AUTS2: variants seen among roughly 807,000 people sequenced by gnomAD.
The protein encoded by AUTS2 is activator of transcription and developmental regulator AUTS2, also known as autism susceptibility gene 2 protein.
A neutral mutation model predicts 112.4 loss-of-function variants in AUTS2; 17 were observed. That is an observed-to-expected ratio of 0.15 (90% confidence interval 0.10 to 0.23). The LOEUF is 0.23. AUTS2 is among the 10% of genes least tolerant of loss of function. The pLI is 1.00. For missense variants in AUTS2, 1,510 were observed against 1,701.6 expected (o/e 0.89, Z 1.98); for synonymous variants, 751 against 702.7 (o/e 1.07, Z -1.09).
At chr7:70,433,537 T>C (rs1309629547) in intron 4 of AUTS2, among the ~76,000 whole-genome samples, 1 of 152,200 alleles carries the variant, frequency 6.6e-6, no homozygotes, top group Non-Finnish European at 1.5e-5. Context: ...GTTCTAGGCC[T>C]TCAAAGTCTT....
chr7:70,480,841 CA>C (rs1303671029), intron 5 of AUTS2, among the ~76,000 whole-genome samples: 9 of 152,098 alleles, frequency 5.9e-5, no homozygotes, highest in African/African-American at 2.2e-4. Context: ...GAGAAGGCTT[CA>C]AGGAAGAAGA....
intron 4 of AUTS2, among the ~76,000 whole-genome samples, chr7:70,147,045 G>A (rs1179693277): frequency 2.6e-5 from 4 of 152,016 alleles, no homozygotes; most frequent in Non-Finnish European, 4.4e-5. Context: ...TTACCAAGTT[G>A]TTACAATGTG....
At chr7:70,628,577 C>G (rs962647908) in intron 5 of AUTS2, among the ~76,000 whole-genome samples, 1 of 151,776 alleles carries the variant, frequency 6.6e-6, no homozygotes, top group Non-Finnish European at 1.5e-5. Context: ...TACATCCCTC[C>G]CCCTCCCCCC....
At chr7:70,592,473 C>CT (rs1170686522) in intron 5 of AUTS2, among the ~76,000 whole-genome samples, 1 of 152,180 alleles carries the variant, frequency 6.6e-6, no homozygotes, top group Non-Finnish European at 1.5e-5. Context: ...AACAGCTCTC[C>CT]TGCCTCAGCC....
chr7:70,616,523 G>A (rs1398410169), intron 5 of AUTS2, among the ~76,000 whole-genome samples: 1 of 152,184 alleles, frequency 6.6e-6, no homozygotes, highest in Non-Finnish European at 1.5e-5. Context: ...CATTTATAGT[G>A]GGATTATCTG....
intron 5 of AUTS2, among the ~76,000 whole-genome samples, chr7:70,655,690 G>A (rs1008091447): frequency 3.3e-5 from 5 of 152,124 alleles, no homozygotes; most frequent in Admixed American, 1.3e-4. Context: ...AGAGATTGCC[G>A]TTATTGGCTT....
At chr7:70,590,122 T>TTGTG (rs55775984) in intron 5 of AUTS2, among the ~76,000 whole-genome samples, 1,908 of 143,532 alleles carry the variant, frequency 0.013, 15 homozygotes, top group Middle Eastern at 0.018. Flanking sequence ...GTTTTTGCAT[T>TTGTG]TGTGTGTGTG....
intron 4 of AUTS2, among the ~76,000 whole-genome samples, chr7:70,426,620 G>A (rs555200904): frequency 6.6e-6 from 1 of 152,014 alleles, no homozygotes; most frequent in Non-Finnish European, 1.5e-5. Flanking sequence ...TCATCAAGTC[G>A]GGCCTCAGAA....
chr7:69,861,892 G>A (rs1226138522), intron 1 of AUTS2, among the ~76,000 whole-genome samples: 1 of 152,170 alleles, frequency 6.6e-6, no homozygotes, highest in Non-Finnish European at 1.5e-5. Flanking sequence ...GACTTTTGGT[G>A]ATGGAGTTGG....
intron 5 of AUTS2, among the ~76,000 whole-genome samples, chr7:70,534,786 A>T (rs1337436730): frequency 6.6e-6 from 1 of 152,100 alleles, no homozygotes; most frequent in Non-Finnish European, 1.5e-5. Flanking sequence ...TTACCTGTGA[A>T]CACTCAGCAC....
chr7:69,600,539 T>A (rs1792333783), intron 1 of AUTS2, among the ~76,000 whole-genome samples: 1 of 10,054 alleles, frequency 9.9e-5, no homozygotes, highest in Admixed American at 6.7e-4. Context: ...CCCCATATTC[T>A]TTTTTTTTTT....
intron 5 of AUTS2, among the ~76,000 whole-genome samples, chr7:70,612,499 G>A (rs1804146429): frequency 6.6e-6 from 1 of 151,918 alleles, no homozygotes; most frequent in South Asian, 2.1e-4. Flanking sequence ...ACCACCGGAT[G>A]TGAACCCTGG....
intron 4 of AUTS2, among the ~76,000 whole-genome samples, chr7:70,174,883 A>T (rs1408461121): frequency 1.3e-5 from 2 of 152,320 alleles, no homozygotes; most frequent in East Asian, 3.9e-4. Context: ...ACAAGGAGAT[A>T]AATGTTGTTT....
chr7:70,679,053 T>G (rs1163622632), intron 5 of AUTS2, among the ~76,000 whole-genome samples: 1 of 152,176 alleles, frequency 6.6e-6, no homozygotes, highest in Non-Finnish European at 1.5e-5. Context: ...AGACCCTGCA[T>G]GGTATATGTA....
intron 4 of AUTS2, among the ~76,000 whole-genome samples, chr7:70,228,145 C>T (rs1811864185): frequency 6.6e-6 from 1 of 151,384 alleles, no homozygotes; most frequent in African/African-American, 2.4e-5. Flanking sequence ...TGGGTAGACC[C>T]TTTTATCATT....
chr7:70,118,266 AAT>A (rs1491189344), intron 3 of AUTS2, 33 bp downstream of exon 3: 10 of 1,495,046 alleles, frequency 6.7e-6, no homozygotes, highest in South Asian at 2.7e-5. Context: ...AAAAAAAAAA[AAT>A]TAACGAAAAC....
chr7:69,780,618 G>GTTAT (rs1468044651), intron 1 of AUTS2, among the ~76,000 whole-genome samples: 1 of 152,222 alleles, frequency 6.6e-6, no homozygotes, highest in Non-Finnish European at 1.5e-5. Context: ...CCTGGCTGTT[G>GTTAT]TTATTTATAG....
chr7:70,198,301 A>G (rs1006297393), intron 4 of AUTS2, among the ~76,000 whole-genome samples: 19 of 150,098 alleles, frequency 1.3e-4, no homozygotes, highest in African/African-American at 3.9e-4. Flanking sequence ...CCTCCAAAGG[A>G]ACGCAGTTCC....
chr7:69,804,455 T>G (rs1055081532), intron 1 of AUTS2, among the ~76,000 whole-genome samples: 4 of 152,208 alleles, frequency 2.6e-5, no homozygotes, highest in African/African-American at 9.7e-5. Context: ...CTGACTCAAC[T>G]CTGAAATGCT....
Sources: allele counts gnomAD v4.1 joint callset (sites outside exome capture counted in the v4.1 genomes callset), GRCh38; gene constraint gnomAD v4.1.1; transcripts MANE v1.5; gene names NCBI Gene and HGNC (gene_info 2026-07-23, HGNC 2026-07-21).